The following PRKN variants were observed in gnomAD, a reference collection of about 807,000 sequenced individuals.
The protein encoded by PRKN is parkin RBR E3 ubiquitin protein ligase, also known as E3 ubiquitin-protein ligase parkin.
Under a neutral mutation model 59.5 loss-of-function variants are expected in PRKN, and 56 were observed. The ratio of observed to expected loss-of-function variants is 0.94; its 90% CI spans 0.76 to 1.18. PRKN has a LOEUF of 1.18. Ranked by LOEUF, PRKN falls within the 50% of genes most tolerant of loss-of-function variation. PRKN has a pLI of 0.00. For synonymous variants in PRKN, 250 were observed against 222.1 expected (o/e 1.13, Z -1.12); for missense variants, 657 against 596.4 (o/e 1.10, Z -1.06).
rs1304298427 is a variant in PRKN at position 161,576,455 on chromosome 6, AT to A, written c.872-7040del. ...TATGGAATAGAATATTTACTGCGAC[AT>A]TTTTGTAATAACAGCAACAACAAAA... On this transcript the variant is annotated intron_variant, in intron 7 of 11. Transcript: ENST00000366898. The surrounding 1 kb of genome is among the most constrained non-coding windows in gnomAD (Gnocchi z 4.6). Among the ~76,000 whole-genome samples, 3 of 152,330 alleles carry A rather than the reference AT, an allele frequency of 2.0e-5. No homozygotes were observed. In the East Asian group the frequency reaches 5.8e-4, roughly 29 times the overall value.
intron 5 of PRKN, among the ~76,000 whole-genome samples, chr6:161,994,833 C>T (rs1421063812): frequency 6.6e-6 from 1 of 151,896 alleles, no homozygotes; most frequent in African/African-American, 2.4e-5. Flanking sequence ...AATGGAAAGA[C>T]ATGCCCTGCT....
At chr6:162,141,440 T>TC (rs1328994907) in intron 4 of PRKN, among the ~76,000 whole-genome samples, 2 of 152,210 alleles carry the variant, frequency 1.3e-5, no homozygotes, top group African/African-American at 4.8e-5. Flanking sequence ...AACTGTGCAA[T>TC]CTACAGTTTA....
intron 9 of PRKN, among the ~76,000 whole-genome samples, chr6:161,521,077 T>A (rs1320021927): frequency 6.6e-6 from 1 of 152,224 alleles, no homozygotes; most frequent in East Asian, 1.9e-4. Context: ...CTTAAATGAG[T>A]TTGTCCTCAG....
At chr6:162,308,003 C>A (rs1583351268) in intron 2 of PRKN, among the ~76,000 whole-genome samples, 1 of 152,282 alleles carries the variant, frequency 6.6e-6, no homozygotes, top group East Asian at 1.9e-4. Flanking sequence ...AGGCTCTTTG[C>A]AAACTCCCCT....
At chr6:162,409,449 G>A (rs1006937779) in intron 2 of PRKN, among the ~76,000 whole-genome samples, 3 of 151,968 alleles carry the variant, frequency 2.0e-5, no homozygotes, top group Admixed American at 6.6e-5. Context: ...GCACCACCAC[G>A]CCCAGACCCC....
intron 2 of PRKN, among the ~76,000 whole-genome samples, chr6:162,282,386 T>TA (rs148516174): frequency 0.084 from 12,712 of 151,744 alleles, 1,154 homozygotes; most frequent in East Asian, 0.5. Context: ...ATGGAAACAA[T>TA]GGAATCACAT....
chr6:162,189,382 T>C lies in PRKN; in HGVS notation c.534+11749A>G, dbSNP rs150757510. 3.8e-3 allele frequency among the ~76,000 whole-genome samples: 576 copies of C among 151,394 alleles called. 3 individuals carry two copies. The highest frequency in any genetic ancestry group is 0.013 in the African/African-American group (554 of 41,336). ...TCTAATTATCTTCTATAGGAGGGAA[T>C]TGAGATTAGATGACTGCAAAGTTGA... On this transcript the variant is annotated intron_variant, in intron 4 of 11. Transcript: ENST00000366898.
rs71004091 is a variant in PRKN, at chr6:162,445,689, TAAAAAAAAAAAAAAAAAAAAAAA to T, written c.8-2239_8-2217del. Among the ~76,000 whole-genome samples the T allele has an allele frequency of 2.1e-4, 6 of 28,750 alleles. No individual in the cohort carries two copies. The South Asian group carries it at 8.8e-3, about 42-fold the overall frequency. The allele number at this position is 28,750 out of a possible 152,430, so 18.9% of individuals were successfully genotyped here. On this transcript the variant is annotated intron_variant, in intron 1 of 11. Transcript: ENST00000366898. The stretch of plus-strand genomic sequence containing the variant: ...CACCCTGGGTGACAGAGACCTTGTC[TAAAAAAAAAAAAAAAAAAAAAAA>T]AAAAAAAAAAAAAAAGTCCACATTT...
intron 6 of PRKN, among the ~76,000 whole-genome samples, chr6:161,834,133 T>A (rs1583223774): frequency 6.6e-6 from 1 of 150,864 alleles, no homozygotes; most frequent in East Asian, 1.9e-4. Flanking sequence ...AGGCCATGTC[T>A]CAGCTTCTCC....
At chr6:162,261,864 T>G (rs986588619) in intron 3 of PRKN, among the ~76,000 whole-genome samples, 17 of 152,210 alleles carry the variant, frequency 1.1e-4, no homozygotes, top group African/African-American at 3.4e-4. Context: ...GCATTTCTTA[T>G]TATGTTAGGC....
In PRKN at chr6:161,551,519, C is replaced by T. The variant is rs1183964821; in HGVS notation, c.934-2516G>A. On this transcript the variant is annotated intron_variant, in intron 8 of 11. Transcript: ENST00000366898. The surrounding 1 kb of genome is among the most constrained non-coding windows in gnomAD (Gnocchi z 5.2). ...AAAACTGAGGAGGACTCAGGTGTCCCGAAAGCCAAGGGAACACATCTCAAG... is the reference window on the plus strand; with the variant it reads ...AAAACTGAGGAGGACTCAGGTGTCCTGAAAGCCAAGGGAACACATCTCAAG... Among the ~76,000 whole-genome samples the T allele has an allele frequency of 1.3e-5, 2 of 152,084 alleles. No homozygotes were observed. The highest frequency in any genetic ancestry group is 2.1e-4 in the South Asian group (1 of 4,818).
intron 1 of PRKN, among the ~76,000 whole-genome samples, chr6:162,691,871 C>T (rs1777786793): frequency 6.6e-6 from 1 of 152,090 alleles, no homozygotes; most frequent in Admixed American, 6.6e-5. Flanking sequence ...TGGGGTAAAT[C>T]TGTCACGCAA....
At chr6:162,686,953 G>A (rs547770277) in intron 1 of PRKN, among the ~76,000 whole-genome samples, 7 of 152,162 alleles carry the variant, frequency 4.6e-5, no homozygotes, top group African/African-American at 1.7e-4. Flanking sequence ...GAAATGTGAT[G>A]CCTGCAGCTT....
chr6:161,967,052 G>C (rs556252055), intron 6 of PRKN, among the ~76,000 whole-genome samples: 2 of 152,090 alleles, frequency 1.3e-5, no homozygotes, highest in Non-Finnish European at 2.9e-5. Flanking sequence ...GGCTGGTCTC[G>C]AACTCCTGAC....
At position 162,568,425 on chromosome 6, in the gene PRKN, T is replaced by A. The variant is rs28578538; in HGVS notation, c.8-124952A>T. ...AAGTCCTATAAGGTGTCCACCTCTATGGGCAGCAGCAGCTTCCGGGGGTGG... is the reference window on the plus strand; with the variant it reads ...AAGTCCTATAAGGTGTCCACCTCTAAGGGCAGCAGCAGCTTCCGGGGGTGG... On this transcript the variant is annotated intron_variant, in intron 1 of 11. Coordinates refer to ENST00000366898, the MANE Select transcript of PRKN (RefSeq NM_004562.3). The A allele has an allele frequency of 2.5e-4, 148 of 585,884 alleles. 2 individuals are homozygous for A. The Middle Eastern group carries it at 3.9e-3, about 15-fold the overall frequency. The allele number at this position is 585,884 out of a possible 1,614,324, so 36.3% of individuals were successfully genotyped here.
At chr6:162,507,840 G>C (rs557207138) in intron 1 of PRKN, among the ~76,000 whole-genome samples, 1 of 152,202 alleles carries the variant, frequency 6.6e-6, no homozygotes, top group South Asian at 2.1e-4. Context: ...ATGCTGTAGG[G>C]GCTCAGTCAA....
intron 9 of PRKN, among the ~76,000 whole-genome samples, chr6:161,439,089 A>T (rs1287218213): frequency 6.6e-6 from 1 of 152,264 alleles, no homozygotes; most frequent in East Asian, 1.9e-4. Context: ...AAGAGAAAGT[A>T]AGGTGACCCT....
Position 161,475,562 on chromosome 6 carries a change from G to A in PRKN, c.1083+73292C>T, listed in dbSNP as rs577732656. Reference sequence around the variant, plus strand: ...TCTGTGGCCCAGGCTGGAGTGCCGCGGTGCAATACAACTTGCCGCAGTCTT... The same window carrying A: ...TCTGTGGCCCAGGCTGGAGTGCCGCAGTGCAATACAACTTGCCGCAGTCTT... On this transcript the variant is annotated intron_variant, in intron 9 of 11. Transcript: ENST00000366898. This position sits in a 1 kb window ranked among gnomAD's most constrained non-coding sequence, Gnocchi z 5.3. 3.9e-5 allele frequency among the ~76,000 whole-genome samples: 6 copies of A among 152,060 alleles called. No individual in the cohort carries two copies. The highest frequency in any genetic ancestry group is 7.2e-5 in the African/African-American group (3 of 41,396).
chr6:162,525,098 T>C (rs1778227061), intron 1 of PRKN, among the ~76,000 whole-genome samples: 1 of 152,172 alleles, frequency 6.6e-6, no homozygotes, highest in African/African-American at 2.4e-5. Flanking sequence ...GGATGACACC[T>C]GAGTGGGAGG....
Sources: allele counts gnomAD v4.1 joint callset (sites outside exome capture counted in the v4.1 genomes callset), GRCh38; gene constraint gnomAD v4.1.1; non-coding constraint Gnocchi (gnomAD v3.1); transcripts MANE v1.5; gene names NCBI Gene and HGNC (gene_info 2026-07-23, HGNC 2026-07-21).